Variants in ELMO1 observed in about 807,000 individuals in gnomAD.
ELMO1 encodes the protein engulfment and cell motility 1, also known as engulfment and cell motility protein 1.
Under a neutral mutation model 98.9 loss-of-function variants are expected in ELMO1, and 26 were observed. The ratio of observed to expected loss-of-function variants is 0.26; its 90% CI spans 0.19 to 0.36. ELMO1 has a LOEUF of 0.36. Ranked by LOEUF, ELMO1 falls within the 10% of genes least tolerant of loss-of-function variation. The pLI is 1.00. For missense variants in ELMO1, 627 were observed against 935.2 expected, an observed-to-expected ratio of 0.67 and a Z score of 4.30; for synonymous variants, 346 against 346.0, an observed-to-expected ratio of 1.00 and a Z score of 0.00.
At chr7:36,928,905 C>A (rs924069901) in intron 16 of ELMO1, among the ~76,000 whole-genome samples, 2 of 152,196 alleles carry the variant, frequency 1.3e-5, no homozygotes, top group East Asian at 1.9e-4. Context: ...GCACCCACAA[C>A]AAGGGACCAG....
At chr7:37,262,048 A>G (rs1420727659) in intron 5 of ELMO1, among the ~76,000 whole-genome samples, 2 of 152,256 alleles carry the variant, frequency 1.3e-5, no homozygotes, top group East Asian at 3.8e-4. Context: ...ACAAAGAAAA[A>G]GTCAATAATG....
At chr7:37,103,709 A>T (rs1420187158) in intron 14 of ELMO1, among the ~76,000 whole-genome samples, 1 of 152,112 alleles carries the variant, frequency 6.6e-6, no homozygotes, top group African/African-American at 2.4e-5. Flanking sequence ...ATAAAAGAGC[A>T]GAGAAGGCTG....
At chr7:37,396,137 T>A (rs1003992140) in intron 1 of ELMO1, among the ~76,000 whole-genome samples, 5 of 152,108 alleles carry the variant, frequency 3.3e-5, no homozygotes, top group Non-Finnish European at 7.4e-5. Flanking sequence ...CTCTTGGTGG[T>A]TCTAAATTAC....
intron 1 of ELMO1, among the ~76,000 whole-genome samples, chr7:37,428,875 C>T (rs1349856934): frequency 6.6e-6 from 1 of 152,230 alleles, no homozygotes; most frequent in Admixed American, 6.5e-5. Context: ...GCAGTCTTGG[C>T]AGAGTGTGTA....
At chr7:37,213,895 A>C (rs1051328121) in intron 11 of ELMO1, among the ~76,000 whole-genome samples, 1 of 152,208 alleles carries the variant, frequency 6.6e-6, no homozygotes, top group African/African-American at 2.4e-5. Flanking sequence ...AGGTGAGCCC[A>C]CTTCAAAATG....
At chr7:37,093,580 G>C (rs1206589231) in intron 15 of ELMO1, among the ~76,000 whole-genome samples, 3 of 152,170 alleles carry the variant, frequency 2.0e-5, no homozygotes, top group African/African-American at 7.2e-5. Context: ...TTCCTCAGAA[G>C]AAAAATAGGC....
intron 17 of ELMO1, among the ~76,000 whole-genome samples, chr7:36,893,215 G>A (rs1316757396): frequency 1.3e-5 from 2 of 152,218 alleles, no homozygotes; most frequent in African/African-American, 4.8e-5. Context: ...TACATCTGCT[G>A]AACCATGTTA....
intron 16 of ELMO1, among the ~76,000 whole-genome samples, chr7:36,911,973 C>G (rs4723597): frequency 0.19 from 28,859 of 152,128 alleles, 2,945 homozygotes; most frequent in East Asian, 0.33. Flanking sequence ...CCCAACACCT[C>G]ATGAGCAAAC....
At chr7:37,377,307 GTA>G in intron 1 of ELMO1, among the ~76,000 whole-genome samples, 2 of 152,000 alleles carry the variant, frequency 1.3e-5, no homozygotes, top group South Asian at 4.2e-4. Flanking sequence ...ATAGGATGTG[GTA>G]TGTCTCACAA....
At chr7:36,896,336 G>C (rs1238226955) in intron 16 of ELMO1, among the ~76,000 whole-genome samples, 2 of 152,170 alleles carry the variant, frequency 1.3e-5, no homozygotes, top group Non-Finnish European at 2.9e-5. Context: ...GCATAGATTT[G>C]ATGTTGAACG....
intron 16 of ELMO1, among the ~76,000 whole-genome samples, chr7:36,965,334 G>A (rs1014067313): frequency 2.6e-5 from 4 of 152,136 alleles, no homozygotes; most frequent in Admixed American, 2.0e-4. Context: ...CATAGGCACC[G>A]AATAAATATT....
intron 13 of ELMO1, among the ~76,000 whole-genome samples, chr7:37,171,481 C>CTTTTTTTTTTTTTTTTT (rs71553100): frequency 6.8e-5 from 3 of 44,262 alleles, no homozygotes; most frequent in African/African-American, 1.2e-4. Context: ...CCAGGCCTTT[C>CTTTTTTTTTTTTTTTTT]TATTTTTTTT....
intron 1 of ELMO1, among the ~76,000 whole-genome samples, chr7:37,375,103 A>C (rs1368374297): frequency 1.3e-5 from 2 of 152,248 alleles, no homozygotes; most frequent in East Asian, 3.9e-4. Context: ...TCCACAAAGT[A>C]ATTTTTTGCT....
At chr7:36,913,544 C>T (rs867856790) in intron 16 of ELMO1, among the ~76,000 whole-genome samples, 7 of 152,288 alleles carry the variant, frequency 4.6e-5, no homozygotes, top group Middle Eastern at 3.4e-3. Flanking sequence ...TTCTTACTGT[C>T]CTTACAGTAG....
intron 15 of ELMO1, among the ~76,000 whole-genome samples, chr7:37,052,721 A>G (rs552760098): frequency 6.6e-6 from 1 of 152,356 alleles, no homozygotes; most frequent in Non-Finnish European, 1.5e-5. Context: ...TCACGGTACC[A>G]GCTGGAATTA....
At chr7:36,918,616 A>T (rs1161772156) in intron 16 of ELMO1, among the ~76,000 whole-genome samples, 2 of 152,178 alleles carry the variant, frequency 1.3e-5, no homozygotes, top group African/African-American at 4.8e-5. Context: ...GGTCCACAGT[A>T]CATTTTGAAA....
chr7:36,857,025 C>A (rs1462214785), intron 21 of ELMO1, among the ~76,000 whole-genome samples: 1 of 152,170 alleles, frequency 6.6e-6, no homozygotes, highest in Non-Finnish European at 1.5e-5. Context: ...AATCTCCAGT[C>A]ACCATGATGT....
intron 16 of ELMO1, among the ~76,000 whole-genome samples, chr7:36,931,967 T>TA (rs1299561563): frequency 6.6e-6 from 1 of 152,242 alleles, no homozygotes; most frequent in Non-Finnish European, 1.5e-5. Context: ...AAGCTCTGCA[T>TA]AATACATTGT....
chr7:36,927,892 T>C (rs1785709622), intron 16 of ELMO1, among the ~76,000 whole-genome samples: 1 of 152,208 alleles, frequency 6.6e-6, no homozygotes, highest in Non-Finnish European at 1.5e-5. Context: ...GGAAGAGATT[T>C]GGGAGTTCAA....
Sources: allele counts gnomAD v4.1 joint callset (sites outside exome capture counted in the v4.1 genomes callset), GRCh38; gene constraint gnomAD v4.1.1; transcripts MANE v1.5; gene names NCBI Gene and HGNC (gene_info 2026-07-23, HGNC 2026-07-21).